SLC24A3: variants seen among roughly 807,000 people sequenced by gnomAD.
The protein encoded by SLC24A3 is sodium/potassium/calcium exchanger 3.
A neutral mutation model predicts 75.8 loss-of-function variants in SLC24A3; 28 were observed. The observed-to-expected ratio is 0.37, with a 90% CI of 0.27 to 0.51. The LOEUF is 0.51. Ranked by LOEUF, SLC24A3 falls within the 20% of genes least tolerant of loss-of-function variation. SLC24A3 has a pLI of 0.94. For missense variants in SLC24A3, 663 were observed against 847.8 expected (o/e 0.78, Z 2.71); for synonymous variants, 372 against 334.1 (o/e 1.11, Z -1.24).
chr20:19,479,927 C>A (rs944101231), intron 2 of SLC24A3, among the ~76,000 whole-genome samples: 3 of 152,228 alleles, frequency 2.0e-5, no homozygotes, highest in Non-Finnish European at 4.4e-5. Context: ...GCCTTGGCCT[C>A]AATACCCGCT....
intron 2 of SLC24A3, among the ~76,000 whole-genome samples, chr20:19,375,153 G>T (rs1986060828): frequency 6.6e-6 from 1 of 152,042 alleles, no homozygotes; most frequent in Non-Finnish European, 1.5e-5. Context: ...TTGCCTCAGG[G>T]TTTGCTTCTG....
intron 2 of SLC24A3, among the ~76,000 whole-genome samples, chr20:19,348,837 T>C (rs933332501): frequency 6.6e-6 from 1 of 152,146 alleles, no homozygotes; most frequent in African/African-American, 2.4e-5. Flanking sequence ...CACAATCCAC[T>C]CTCCATCTGC....
chr20:19,694,998 G>C (rs1248358529), intron 13 of SLC24A3: 1 of 152,256 alleles, frequency 6.6e-6, no homozygotes, highest in Non-Finnish European at 1.5e-5. Flanking sequence ...CGACAAAATA[G>C]AAACAGCGTG....
chr20:19,440,549 G>A lies in SLC24A3; in HGVS notation c.272-74939G>A, dbSNP rs568541022. Reference sequence around the variant, plus strand: ...CCAAACCATGAGGTAAGAGAGAGAGGGTGCCGACAACGAACATTTCCTTAC... The same window carrying A: ...CCAAACCATGAGGTAAGAGAGAGAGAGTGCCGACAACGAACATTTCCTTAC... On this transcript the variant is annotated intron_variant, in intron 2 of 16. Coordinates refer to ENST00000328041, the MANE Select transcript of SLC24A3 (RefSeq NM_020689.4). Among the ~76,000 whole-genome samples, 5 of 152,112 alleles carry A rather than the reference G, an allele frequency of 3.3e-5. No homozygotes were observed. In the South Asian group the frequency reaches 1.0e-3, roughly 32 times the overall value.
At chr20:19,599,475 A>T (rs1165955560) in intron 6 of SLC24A3, among the ~76,000 whole-genome samples, 4 of 151,582 alleles carry the variant, frequency 2.6e-5, no homozygotes, top group African/African-American at 9.7e-5. Flanking sequence ...CATCTGGAGG[A>T]CTGCGTGTAT....
Position 19,640,767 on chromosome 20 carries a change from T to C in SLC24A3, c.613-13295T>C, listed in dbSNP as rs2032067578. Among the ~76,000 whole-genome samples, 6 of 152,276 alleles carry C rather than the reference T, an allele frequency of 3.9e-5. No individual in the cohort carries two copies. In the South Asian group the frequency reaches 1.2e-3, roughly 32 times the overall value. ...TCTGTTTCAGAAATTATATATGTAT[T>C]TTTATTTTTATGTCATACAAAACCT... is the stretch of plus-strand genomic sequence containing the variant. On this transcript the variant is annotated intron_variant, in intron 6 of 16. Transcript: ENST00000328041.
At chr20:19,540,536 G>A (rs1376174221) in intron 3 of SLC24A3, among the ~76,000 whole-genome samples, 1 of 152,198 alleles carries the variant, frequency 6.6e-6, no homozygotes, top group Non-Finnish European at 1.5e-5. Context: ...GCAGAGGCCA[G>A]TAACACCCAC....
At chr20:19,508,182 T>C (rs1457646709) in intron 2 of SLC24A3, among the ~76,000 whole-genome samples, 10 of 152,188 alleles carry the variant, frequency 6.6e-5, no homozygotes. Flanking sequence ...CAACAGGCTT[T>C]ACTAAGACAG....
At chr20:19,262,404 CAAAAAAAA>C (rs58691860) in intron 1 of SLC24A3, among the ~76,000 whole-genome samples, 2 of 75,756 alleles carry the variant, frequency 2.6e-5, no homozygotes, top group African/African-American at 1.1e-4. Context: ...GACTCCGTCT[CAAAAAAAA>C]AAAAAAAAAA....
intron 2 of SLC24A3, among the ~76,000 whole-genome samples, chr20:19,465,759 C>G (rs1032225108): frequency 1.3e-5 from 2 of 152,186 alleles, no homozygotes; most frequent in Admixed American, 6.5e-5. Context: ...AGCAGTTCCT[C>G]TCTGTGATGT....
chr20:19,532,431 G>A (rs1568646816), intron 3 of SLC24A3, among the ~76,000 whole-genome samples: 2 of 152,190 alleles, frequency 1.3e-5, no homozygotes, highest in Non-Finnish European at 1.5e-5. Context: ...GTGGTTCATG[G>A]AGTCACCACC....
At chr20:19,506,168 C>T (rs574086247) in intron 2 of SLC24A3, among the ~76,000 whole-genome samples, 112 of 152,332 alleles carry the variant, frequency 7.4e-4, no homozygotes, top group South Asian at 3.3e-3. Flanking sequence ...AATCCAGGCC[C>T]TCAGGCTCTT....
intron 6 of SLC24A3, among the ~76,000 whole-genome samples, chr20:19,607,912 CT>C (rs1403667874): frequency 5.9e-5 from 9 of 152,234 alleles, no homozygotes; most frequent in Non-Finnish European, 1.2e-4. Flanking sequence ...TGTCTTTCCC[CT>C]GTCCATATCT....
At chr20:19,546,222 C>T (rs2122593392) in intron 3 of SLC24A3, among the ~76,000 whole-genome samples, 1 of 144,598 alleles carries the variant, frequency 6.9e-6, no homozygotes, top group East Asian at 2.0e-4. Flanking sequence ...TTAGTGCTCC[C>T]TTCTCCAGGA....
At chr20:19,693,094 C>G in intron 12 of SLC24A3, 165 bp from the exon 13 acceptor site, 1 of 721,012 alleles carries the variant, frequency 1.4e-6, no homozygotes, top group Non-Finnish European at 2.1e-6. Context: ...TGTCAGGTTT[C>G]GTTGGTGATG....
chr20:19,459,725 A>G (rs1205785071), intron 2 of SLC24A3, among the ~76,000 whole-genome samples: 1 of 152,122 alleles, frequency 6.6e-6, no homozygotes, highest in Non-Finnish European at 1.5e-5. Context: ...AGCTGAATAT[A>G]GGTTTGTGAT....
intron 2 of SLC24A3, among the ~76,000 whole-genome samples, chr20:19,326,764 G>A (rs1233575411): frequency 6.6e-6 from 1 of 151,848 alleles, no homozygotes; most frequent in Non-Finnish European, 1.5e-5. Context: ...TTTATTTTTT[G>A]TAGCGACAAG....
chr20:19,494,776 C>T (rs1004957), intron 2 of SLC24A3, among the ~76,000 whole-genome samples: 18 of 152,044 alleles, frequency 1.2e-4, no homozygotes, highest in Non-Finnish European at 1.9e-4. Flanking sequence ...CTGGCCATCC[C>T]GAAAAGGCTA....
intron 15 of SLC24A3, among the ~76,000 whole-genome samples, chr20:19,709,357 T>C (rs1245861377): frequency 6.6e-6 from 1 of 152,042 alleles, no homozygotes; most frequent in Non-Finnish European, 1.5e-5. Flanking sequence ...GGGATGTGGG[T>C]GAGTACTGCT....
Sources: gnomAD v4.1 joint callset for allele counts (sites outside exome capture counted in the v4.1 genomes callset) on GRCh38, gnomAD v4.1.1 for gene constraint, MANE v1.5 for transcripts, NCBI Gene and HGNC (gene_info 2026-07-23, HGNC 2026-07-21) for gene names.